IL1RAPL1: variants seen among roughly 807,000 people sequenced by gnomAD.
IL1RAPL1 encodes the protein interleukin-1 receptor accessory protein-like 1.
A neutral mutation model predicts 48.4 loss-of-function variants in IL1RAPL1; 3 were observed. The observed-to-expected ratio is 0.06, with a 90% CI of 0.03 to 0.16. IL1RAPL1 has a LOEUF of 0.16. Ranked by LOEUF, IL1RAPL1 falls within the 10% of genes least tolerant of loss-of-function variation. The pLI is 1.00. For synonymous variants in IL1RAPL1, 185 were observed against 187.7 expected, an observed-to-expected ratio of 0.99 and a Z score of 0.12; for missense variants, 349 against 530.6, an observed-to-expected ratio of 0.66 and a Z score of 3.36.
At chrX:28,872,324 C>T (rs112458610) in intron 2 of IL1RAPL1, among the ~76,000 whole-genome samples, 2,117 of 111,719 alleles carry the variant, frequency 0.019, 57 homozygotes, top group African/African-American at 0.065. Context: ...CAGCTGCTGC[C>T]CAATTATTAA....
intron 1 of IL1RAPL1, among the ~76,000 whole-genome samples, chrX:28,692,833 T>A (rs767965503): frequency 8.9e-6 from 1 of 111,846 alleles, no homozygotes; most frequent in African/African-American, 3.2e-5. Context: ...CGCCTGTTTC[T>A]ATTTGCCTAT....
At chrX:28,602,064 C>G (rs1934032959) in intron 1 of IL1RAPL1, among the ~76,000 whole-genome samples, 1 of 103,594 alleles carries the variant, frequency 9.7e-6, no homozygotes, top group Non-Finnish European at 2.0e-5. Flanking sequence ...GAAATTGCAC[C>G]ACTGCACTCC....
intron 2 of IL1RAPL1, among the ~76,000 whole-genome samples, chrX:28,795,683 A>G (rs12558013): frequency 0.029 from 3,166 of 111,024 alleles, 57 homozygotes; most frequent in Non-Finnish European, 0.045. Flanking sequence ...ATTAACTTGT[A>G]TTCCAACTTA....
intron 2 of IL1RAPL1, among the ~76,000 whole-genome samples, chrX:29,059,506 G>A (rs1400087973): frequency 8.9e-6 from 1 of 111,764 alleles, no homozygotes; most frequent in African/African-American, 3.2e-5. Flanking sequence ...GAAGTGAAAA[G>A]GTCCTTGAGA....
At chrX:28,906,882 A>G (rs1019757273) in intron 2 of IL1RAPL1, among the ~76,000 whole-genome samples, 5 of 112,262 alleles carry the variant, frequency 4.5e-5, no homozygotes, top group African/African-American at 1.6e-4. Context: ...TTTGCATGAT[A>G]ATGTTAGAAT....
intron 2 of IL1RAPL1, among the ~76,000 whole-genome samples, chrX:28,913,811 A>C (rs1463924396): frequency 8.9e-6 from 1 of 112,160 alleles, no homozygotes; most frequent in Non-Finnish European, 1.9e-5. Context: ...GAAATGGAAC[A>C]ATCTAGTTGA....
At chrX:29,351,022 G>T (rs762343385) in intron 3 of IL1RAPL1, among the ~76,000 whole-genome samples, 1 of 111,543 alleles carries the variant, frequency 9.0e-6, no homozygotes, top group Non-Finnish European at 1.9e-5. Flanking sequence ...CGATCATTTA[G>T]ATCTCAAATT....
intron 6 of IL1RAPL1, among the ~76,000 whole-genome samples, chrX:29,733,937 A>G (rs1927982773): frequency 8.9e-6 from 1 of 112,673 alleles, no homozygotes; most frequent in Non-Finnish European, 1.9e-5. Flanking sequence ...TTAATAGATG[A>G]TGAAATTCTA....
chrX:29,786,245 C>T (rs1416453803), intron 6 of IL1RAPL1, among the ~76,000 whole-genome samples: 3 of 111,287 alleles, frequency 2.7e-5, no homozygotes, highest in African/African-American at 9.8e-5. Context: ...GTTGCTGAGA[C>T]ATACAGTACA....
chrX:29,291,945 C>T (rs1932377392), intron 3 of IL1RAPL1, among the ~76,000 whole-genome samples: 1 of 111,950 alleles, frequency 8.9e-6, no homozygotes, highest in African/African-American at 3.2e-5. Flanking sequence ...CCTAGCTAGT[C>T]TTAGGGCATG....
intron 1 of IL1RAPL1, chrX:28,659,135 A>G (rs1344952181): frequency 1.7e-5 from 11 of 664,719 alleles, no homozygotes; most frequent in Non-Finnish European, 2.4e-5. Context: ...TTTGGCATGG[A>G]TAGCACACAG....
intron 2 of IL1RAPL1, among the ~76,000 whole-genome samples, chrX:28,893,230 C>T (rs1378528726): frequency 9.0e-6 from 1 of 111,644 alleles, no homozygotes; most frequent in Non-Finnish European, 1.9e-5. Flanking sequence ...TACCTTGTAG[C>T]ATTCTGAGGA....
Position 29,126,713 on chromosome X carries a change from A to T in IL1RAPL1, c.83-156225A>T, listed in dbSNP as rs773202026. 4.2e-3 allele frequency among the ~76,000 whole-genome samples: 469 copies of T among 112,490 alleles called. 5 individuals carry two copies. Among genetic ancestry groups the T allele is most frequent in the African/African-American group, 0.014 (446 of 31,031 alleles). On this transcript the variant is annotated intron_variant, in intron 2 of 10. Coordinates refer to ENST00000378993, the MANE Select transcript of IL1RAPL1 (RefSeq NM_014271.4). ...CTGTACTTGCTTCTTGTCTTACTAC[A>T]TCAGTCACCTGTGAATTTAAATTAG...
chrX:29,867,109 C>T (rs1466057109), intron 6 of IL1RAPL1, among the ~76,000 whole-genome samples: 2 of 109,705 alleles, frequency 1.8e-5, no homozygotes, highest in Non-Finnish European at 3.8e-5. Context: ...TGCCCATGGC[C>T]TATTGACCAC....
intron 5 of IL1RAPL1, among the ~76,000 whole-genome samples, chrX:29,483,716 C>T (rs1324317232): frequency 9.3e-6 from 1 of 108,083 alleles, no homozygotes; most frequent in Non-Finnish European, 1.9e-5. Context: ...TAAGACAGGG[C>T]CCGGCTCTGT....
chrX:28,792,852 A>ATATGTATATATAT (rs1569174038), intron 2 of IL1RAPL1, among the ~76,000 whole-genome samples: 1 of 19,866 alleles, frequency 5.0e-5, no homozygotes, highest in African/African-American at 4.2e-4. Flanking sequence ...TATATATATA[A>ATATGTATATATAT]AAAATAAGGC....
At chrX:28,916,585 T>C (rs1337451581) in intron 2 of IL1RAPL1, among the ~76,000 whole-genome samples, 5 of 112,222 alleles carry the variant, frequency 4.5e-5, no homozygotes, top group Non-Finnish European at 7.5e-5. Flanking sequence ...GAAACTTTAA[T>C]TTGTGTAGGA....
chrX:28,794,079 G>A (rs889108399), intron 2 of IL1RAPL1, among the ~76,000 whole-genome samples: 4 of 110,978 alleles, frequency 3.6e-5, no homozygotes, highest in African/African-American at 1.3e-4. Context: ...TTAAATAGAG[G>A]CATTTAAGAA....
intron 5 of IL1RAPL1, among the ~76,000 whole-genome samples, chrX:29,451,781 T>C (rs985505379): frequency 8.9e-6 from 1 of 112,040 alleles, no homozygotes; most frequent in African/African-American, 3.2e-5. Flanking sequence ...CATTTTTGTT[T>C]GTCATTCCTC....
Sources: gnomAD v4.1 joint callset for allele counts (sites outside exome capture counted in the v4.1 genomes callset) on GRCh38, gnomAD v4.1.1 for gene constraint, MANE v1.5 for transcripts, NCBI Gene and HGNC (gene_info 2026-07-23, HGNC 2026-07-21) for gene names.